HDAC9: variants seen among roughly 807,000 people sequenced by gnomAD.
HDAC9 encodes MEF-2 interacting transcription repressor (MITR) protein.
A neutral mutation model predicts 139.4 loss-of-function variants in HDAC9; 41 were observed. The ratio of observed to expected loss-of-function variants is 0.29; its 90% CI spans 0.23 to 0.38. The LOEUF is 0.38. Among genes scored for constraint, HDAC9 ranks in the 10% least tolerant of loss-of-function variants. The probability of loss-of-function intolerance (pLI) is 1.00; values close to 1 mark genes in which losing one functional copy is unlikely to be tolerated. For synonymous variants in HDAC9, 517 were observed against 476.2 expected, an observed-to-expected ratio of 1.09 and a Z score of -1.12; for missense variants, 1,147 against 1,297.0, an observed-to-expected ratio of 0.88 and a Z score of 1.78.
At chr7:18,219,512 T>G (rs1253700543) in intron 2 of HDAC9, among the ~76,000 whole-genome samples, 1 of 152,268 alleles carries the variant, frequency 6.6e-6, no homozygotes, top group East Asian at 1.9e-4. Context: ...ACTTTTGTTG[T>G]AAGCCATCTG....
intron 12 of HDAC9, among the ~76,000 whole-genome samples, chr7:18,691,920 T>C (rs2129098071): frequency 6.6e-6 from 1 of 152,140 alleles, no homozygotes; most frequent in African/African-American, 2.4e-5. Context: ...GAACAGTCTG[T>C]GTAACACAAC....
At chr7:18,597,381 A>C (rs1241963622) in intron 6 of HDAC9, among the ~76,000 whole-genome samples, 1 of 152,166 alleles carries the variant, frequency 6.6e-6, no homozygotes, top group Admixed American at 6.6e-5. Flanking sequence ...TAACACAAGG[A>C]TAGGTTGATA....
intron 12 of HDAC9, among the ~76,000 whole-genome samples, chr7:18,725,292 G>C (rs1204033160): frequency 6.6e-6 from 1 of 152,112 alleles, no homozygotes; most frequent in Non-Finnish European, 1.5e-5. Context: ...GTCCACAAAG[G>C]TAAAATTGCA....
rs139697419 is a variant in HDAC9 at position 18,393,155 on chromosome 7, C to T, written c.-42+102640C>T. On this transcript the variant is annotated intron_variant, in intron 1 of 3. Transcript: ENST00000413509. Reference sequence around the variant, plus strand: ...TTTTTTTTAAAAAAACATAAATTGGCTCAAGATGAAATAGAAAATCTGAGG... The same window carrying T: ...TTTTTTTTAAAAAAACATAAATTGGTTCAAGATGAAATAGAAAATCTGAGG... Among the ~76,000 whole-genome samples, 3 of 150,110 alleles carry T rather than the reference C, an allele frequency of 2.0e-5. No homozygotes were observed. The East Asian group carries it at 5.9e-4, about 29-fold the overall frequency.
intron 25 of HDAC9, among the ~76,000 whole-genome samples, chr7:18,993,369 C>A (rs1417571130): frequency 6.6e-6 from 1 of 152,172 alleles, no homozygotes; most frequent in Non-Finnish European, 1.5e-5. Flanking sequence ...AATTGACAAT[C>A]TAGAGACACT....
intron 23 of HDAC9, among the ~76,000 whole-genome samples, chr7:18,948,146 T>C (rs1265521535): frequency 6.6e-6 from 1 of 152,012 alleles, no homozygotes; most frequent in African/African-American, 2.4e-5. Flanking sequence ...GAAATTATTC[T>C]TTTAAATCGA....
At chr7:18,338,906 G>A (rs2128658153) in intron 1 of HDAC9, among the ~76,000 whole-genome samples, 1 of 151,572 alleles carries the variant, frequency 6.6e-6, no homozygotes, top group East Asian at 1.9e-4. Context: ...AGCTTTTCCT[G>A]TGGAAGGATT....
At chr7:18,247,994 A>T (rs1165955981) in intron 2 of HDAC9, among the ~76,000 whole-genome samples, 1 of 152,172 alleles carries the variant, frequency 6.6e-6, no homozygotes, top group Non-Finnish European at 1.5e-5. Flanking sequence ...AGTCATGGGG[A>T]GAATATCTGA....
chr7:18,980,070 C>T (rs1784799824), intron 25 of HDAC9, among the ~76,000 whole-genome samples: 2 of 152,100 alleles, frequency 1.3e-5, no homozygotes, highest in Non-Finnish European at 2.9e-5. Flanking sequence ...TTGGAAGCTC[C>T]TGGTAAAAAG....
intron 2 of HDAC9, among the ~76,000 whole-genome samples, chr7:18,533,696 A>G (rs1255378154): frequency 6.6e-6 from 1 of 151,896 alleles, no homozygotes; most frequent in Non-Finnish European, 1.5e-5. Flanking sequence ...TTGGAGGCTT[A>G]TGTTTTCAGT....
At chr7:18,180,265 A>ATACCCCCC (rs1554322995) in intron 2 of HDAC9, among the ~76,000 whole-genome samples, 1 of 151,212 alleles carries the variant, frequency 6.6e-6, no homozygotes, top group African/African-American at 2.4e-5. Context: ...ACACACACAC[A>ATACCCCCC]CACACACACC....
At position 18,954,249 on chromosome 7, in the gene HDAC9, C is replaced by T. The variant is rs1782995884; in HGVS notation, c.3022+19C>T. ...ATTCAAAGTATGTCTTTAAAGTTCT[C>T]TTAAAAATTCTAAGCAGGTAAAACT... On this transcript the variant is annotated intron_variant, in intron 24 of 25. Coordinates refer to ENST00000686413, the MANE Select transcript of HDAC9 (RefSeq NM_178425.4). 5 of 1,335,676 alleles carry T rather than the reference C, an allele frequency of 3.7e-6. No individual in the cohort carries two copies. Among genetic ancestry groups the T allele is most frequent in the Non-Finnish European group, 5.2e-6 (5 of 953,482 alleles). The allele number at this position is 1,335,676 out of a possible 1,614,324, so 82.7% of individuals were successfully genotyped here.
intron 1 of HDAC9, among the ~76,000 whole-genome samples, chr7:18,439,479 G>A (rs908682310): frequency 1.3e-5 from 2 of 152,132 alleles, no homozygotes; most frequent in Non-Finnish European, 2.9e-5. Flanking sequence ...CCCATCTCAC[G>A]TCTGCTTCAT....
chr7:18,197,651 G>C (rs1277231975), intron 2 of HDAC9, among the ~76,000 whole-genome samples: 1 of 152,198 alleles, frequency 6.6e-6, no homozygotes, highest in Non-Finnish European at 1.5e-5. Context: ...AGATGAGCCA[G>C]TGTATAAAAA....
intron 25 of HDAC9, among the ~76,000 whole-genome samples, chr7:18,980,322 A>G (rs943705503): frequency 1.3e-5 from 2 of 152,230 alleles, no homozygotes; most frequent in African/African-American, 2.4e-5. Flanking sequence ...TATATAAAAT[A>G]AGATGCATAA....
chr7:18,229,115 C>T (rs1291787141), intron 2 of HDAC9, among the ~76,000 whole-genome samples: 1 of 152,174 alleles, frequency 6.6e-6, no homozygotes, highest in African/African-American at 2.4e-5. Context: ...TTCATTAATT[C>T]ACAATAAATT....
chr7:18,124,886 T>C (rs1784560620), intron 1 of HDAC9, among the ~76,000 whole-genome samples: 1 of 144,686 alleles, frequency 6.9e-6, no homozygotes, highest in Non-Finnish European at 1.5e-5. Flanking sequence ...TCAGTTTTTC[T>C]TTCTTTCTTT....
At chr7:18,733,042 T>C (rs1786471679) in intron 13 of HDAC9, among the ~76,000 whole-genome samples, 2 of 146,324 alleles carry the variant, frequency 1.4e-5, no homozygotes, top group African/African-American at 5.0e-5. Flanking sequence ...TATACAGATA[T>C]ACATATATAC....
intron 2 of HDAC9, among the ~76,000 whole-genome samples, chr7:18,166,118 A>T (rs1179309508): frequency 6.6e-6 from 1 of 152,196 alleles, no homozygotes; most frequent in Non-Finnish European, 1.5e-5. Flanking sequence ...TTTTGTAATT[A>T]ATTTTGATGA....
Sources: gnomAD v4.1 joint callset for allele counts (sites outside exome capture counted in the v4.1 genomes callset) on GRCh38, gnomAD v4.1.1 for gene constraint, MANE v1.5 for transcripts, NCBI Gene and HGNC (gene_info 2026-07-23, HGNC 2026-07-21) for gene names.